Variants in MCC observed in about 807,000 individuals in gnomAD.
MCC encodes the protein colorectal mutant cancer protein.
Under a neutral mutation model 116.2 loss-of-function variants are expected in MCC, and 90 were observed. The ratio of observed to expected loss-of-function variants is 0.77; its 90% CI spans 0.65 to 0.92. MCC has a LOEUF of 0.92. Ranked by LOEUF, MCC falls within the 40% of genes least tolerant of loss-of-function variation. MCC has a pLI of 0.00. For synonymous variants in MCC, 578 were observed against 510.5 expected (o/e 1.13, Z -1.78); for missense variants, 1,516 against 1,312.2 (o/e 1.16, Z -2.40).
chr5:113,022,701 G>A lies in MCC; in HGVS notation c.*4601C>T, dbSNP rs957161726. On this transcript the variant is annotated 3_prime_UTR_variant, in exon 19 of 19. Coordinates refer to ENST00000408903, the MANE Select transcript of MCC (RefSeq NM_001085377.2). ...AGTGCAAAAGGGAATGGTAGAACCAGAATTACTAAGTACGGCATCAGTGTG... is the reference window on the plus strand; with the variant it reads ...AGTGCAAAAGGGAATGGTAGAACCAAAATTACTAAGTACGGCATCAGTGTG... 1 of 152,224 alleles carries A rather than the reference G, an allele frequency of 6.6e-6. No homozygotes were observed. Among genetic ancestry groups the A allele is most frequent in the Non-Finnish European group, 1.5e-5 (1 of 68,032 alleles). 9.4% of individuals were successfully genotyped at this position (152,224 alleles called of 1,614,324 possible).
rs1765482823 is a variant in MCC at position 113,268,108 on chromosome 5, A to G, written c.627+72411T>C. Among the ~76,000 whole-genome samples the G allele has an allele frequency of 2.0e-5, 3 of 152,042 alleles. No homozygotes were observed. In the South Asian group the frequency reaches 6.2e-4, roughly 32 times the overall value. ...CTTAATCCAGGCCTCAACTCTACAAACCTGGGTTACTGAAACAACTCCTCC... is the reference window on the plus strand; with the variant it reads ...CTTAATCCAGGCCTCAACTCTACAAGCCTGGGTTACTGAAACAACTCCTCC... On this transcript the variant is annotated intron_variant, in intron 3 of 18. Coordinates refer to ENST00000408903, the MANE Select transcript of MCC (RefSeq NM_001085377.2).
rs1554076895 is a variant in MCC at position 113,333,836 on chromosome 5, T to TATATATGTATATATGTAC, written c.627+6665_627+6682dup. ...ATATATGTACATATATGTATATATGTATATATGTATATATGTACATATATG... is the reference window on the plus strand; with the variant it reads ...ATATATGTACATATATGTATATATGTATATATGTATATATGTACATATATGTATATATGTACATATATG... On this transcript the variant is annotated intron_variant, in intron 3 of 18. Transcript: ENST00000408903. 3.0e-4 allele frequency among the ~76,000 whole-genome samples: 18 copies of TATATATGTATATATGTAC among 59,316 alleles called. 6 individuals are homozygous for TATATATGTATATATGTAC. The highest frequency in any genetic ancestry group is 2.1e-4 in the African/African-American group (2 of 9,538). 38.9% of individuals were successfully genotyped at this position (59,316 alleles called of 152,430 possible).
chr5:113,407,388 T>G (rs1769863490), intron 1 of MCC, among the ~76,000 whole-genome samples: 1 of 152,206 alleles, frequency 6.6e-6, no homozygotes, highest in South Asian at 2.1e-4. Context: ...AAATCCTACC[T>G]TTGCTATTTT....
intron 2 of MCC, among the ~76,000 whole-genome samples, chr5:113,345,671 G>A: frequency 6.6e-6 from 1 of 152,190 alleles, no homozygotes; most frequent in Non-Finnish European, 1.5e-5. Flanking sequence ...CCACAAAGGT[G>A]GTACCTCTAA....
chr5:113,068,032 A>G, intron 13 of MCC, 48 bp downstream of exon 13: 1 of 1,495,804 alleles, frequency 6.7e-7, no homozygotes, highest in Non-Finnish European at 9.3e-7. Flanking sequence ...GCAGAAGCAA[A>G]GGAGGCAGGG....
rs547192248 is a variant in MCC, at chr5:113,424,132, T to TACACACACACACACAC, written c.171-38936_171-38921dup. ...TCCCACTGGTCAAAAAGTCATCCTC[T>TACACACACACACACAC]ACACACACACACACACACACACACA... is the stretch of plus-strand genomic sequence containing the variant. On this transcript the variant is annotated intron_variant, in intron 1 of 18. Coordinates refer to ENST00000408903, the MANE Select transcript of MCC (RefSeq NM_001085377.2). Among the ~76,000 whole-genome samples the TACACACACACACACAC allele has an allele frequency of 1.1e-3, 120 of 112,706 alleles. 4 individuals carry two copies. Among genetic ancestry groups the TACACACACACACACAC allele is most frequent in the African/African-American group, 2.4e-3 (70 of 29,280 alleles). The allele number at this position is 112,706 out of a possible 152,430, so 73.9% of individuals were successfully genotyped here.
At chr5:113,463,533 A>C (rs1771805476) in intron 1 of MCC, among the ~76,000 whole-genome samples, 1 of 152,208 alleles carries the variant, frequency 6.6e-6, no homozygotes. Context: ...GGATCTTTCC[A>C]AGTTTGTTCT....
In MCC at chr5:113,025,682, A is replaced by C; in HGVS notation, c.*1620T>G. The C allele has an allele frequency of 6.6e-6, 1 of 152,000 alleles. No individual in the cohort carries two copies. 9.4% of individuals were successfully genotyped at this position (152,000 alleles called of 1,614,324 possible). A position where few individuals can be genotyped will look rare whatever the true frequency, so the allele number is the denominator to read the frequency against. ...ATTTTCATAGTGATCAAAGCACCCC[A>C]AAGCTGGTCCTTCTAGACTGATACC... On this transcript the variant is annotated 3_prime_UTR_variant, in exon 19 of 19. Coordinates refer to ENST00000408903, the MANE Select transcript of MCC (RefSeq NM_001085377.2).
At chr5:113,124,856 T>C (rs1181346611) in intron 5 of MCC, among the ~76,000 whole-genome samples, 1 of 152,260 alleles carries the variant, frequency 6.6e-6, no homozygotes, top group East Asian at 1.9e-4. Flanking sequence ...GAGACAAAGA[T>C]GTTCACAAGA....
chr5:113,147,366 T>C (rs1012778368), intron 4 of MCC, among the ~76,000 whole-genome samples: 3 of 152,164 alleles, frequency 2.0e-5, no homozygotes, highest in East Asian at 3.8e-4. Context: ...CTGTGCAATG[T>C]GGTGATGCTA....
In MCC at chr5:113,052,476, G is replaced by A. The variant is rs190620021; in HGVS notation, c.2448+1249C>T. Reference sequence around the variant, plus strand: ...GTTTGGAAATCATGGGGGTGGGGGTGGGAGGTAAGATTCCTGTATCTGTTA... The same window carrying A: ...GTTTGGAAATCATGGGGGTGGGGGTAGGAGGTAAGATTCCTGTATCTGTTA... On this transcript the variant is annotated intron_variant, in intron 15 of 18. Coordinates refer to ENST00000408903, the MANE Select transcript of MCC (RefSeq NM_001085377.2). Among the ~76,000 whole-genome samples, 28 of 151,756 alleles carry A rather than the reference G, an allele frequency of 1.8e-4. No individual in the cohort carries two copies. The East Asian group carries it at 4.1e-3, about 22-fold the overall frequency.
At chr5:113,240,860 C>T (rs1764338232) in intron 3 of MCC, among the ~76,000 whole-genome samples, 1 of 152,140 alleles carries the variant, frequency 6.6e-6, no homozygotes, top group African/African-American at 2.4e-5. Context: ...GGACCAGACC[C>T]TTATTCACAA....
intron 1 of MCC, among the ~76,000 whole-genome samples, chr5:113,417,295 A>G (rs192517528): frequency 6.6e-6 from 1 of 152,296 alleles, no homozygotes; most frequent in African/African-American, 2.4e-5. Context: ...GCTCCTGCCT[A>G]ATATATACCT....
intron 17 of MCC, among the ~76,000 whole-genome samples, chr5:113,030,629 G>T (rs1182906398): frequency 6.6e-6 from 1 of 152,228 alleles, no homozygotes; most frequent in African/African-American, 2.4e-5. Context: ...AGTGAGCCAT[G>T]ATCCTGCCAC....
intron 3 of MCC, chr5:113,234,601 C>T (rs2150336136): frequency 6.6e-6 from 1 of 152,202 alleles, no homozygotes; most frequent in South Asian, 2.1e-4. Flanking sequence ...CTATCTCTAC[C>T]CATAGTTTCC....
At chr5:113,086,165 T>C (rs1031175582) in intron 8 of MCC, among the ~76,000 whole-genome samples, 2 of 152,176 alleles carry the variant, frequency 1.3e-5, no homozygotes, top group African/African-American at 4.8e-5. Flanking sequence ...TAAATTTCTA[T>C]GTCAAGTGTT....
intron 11 of MCC, among the ~76,000 whole-genome samples, chr5:113,073,667 T>C (rs1754205353): frequency 6.6e-6 from 1 of 151,878 alleles, no homozygotes; most frequent in Non-Finnish European, 1.5e-5. Context: ...TTTTTTTTTT[T>C]TTTCTTTTAA....
At chr5:113,439,271 C>A (rs1167428651) in intron 1 of MCC, among the ~76,000 whole-genome samples, 1 of 152,108 alleles carries the variant, frequency 6.6e-6, no homozygotes, top group East Asian at 1.9e-4. Flanking sequence ...CCAGTCAAGT[C>A]CTAGACCTGG....
At chr5:113,078,334 C>G (rs1754605065) in intron 11 of MCC, among the ~76,000 whole-genome samples, 1 of 152,216 alleles carries the variant, frequency 6.6e-6, no homozygotes, top group Admixed American at 6.5e-5. Flanking sequence ...ATACCAAAAA[C>G]TGGCAGAGAC....
Sources: gnomAD v4.1 joint callset for allele counts (sites outside exome capture counted in the v4.1 genomes callset) on GRCh38, gnomAD v4.1.1 for gene constraint, MANE v1.5 for transcripts, NCBI Gene and HGNC (gene_info 2026-07-23, HGNC 2026-07-21) for gene names.